RAPGEF6: variants seen among roughly 807,000 people sequenced by gnomAD.
RAPGEF6 encodes Rap guanine nucleotide exchange factor 6.
Under a neutral mutation model 171.4 loss-of-function variants are expected in RAPGEF6, and 56 were observed. The observed-to-expected ratio is 0.33, with a 90% CI of 0.26 to 0.41. The LOEUF is 0.41. Among genes scored for constraint, RAPGEF6 ranks in the 10% least tolerant of loss-of-function variants. The pLI is 1.00. For missense variants in RAPGEF6, 1,674 were observed against 1,921.4 expected, an observed-to-expected ratio of 0.87 and a Z score of 2.41; for synonymous variants, 692 against 650.1, an observed-to-expected ratio of 1.06 and a Z score of -0.98.
chr5:131,572,430 A>G (rs188011219), intron 4 of RAPGEF6, among the ~76,000 whole-genome samples: 1 of 152,208 alleles, frequency 6.6e-6, no homozygotes, highest in Non-Finnish European at 1.5e-5. Flanking sequence ...CAAAAAGGAG[A>G]CACACTTTAT....
chr5:131,525,609 G>T (rs922851606), intron 6 of RAPGEF6, among the ~76,000 whole-genome samples: 1 of 151,936 alleles, frequency 6.6e-6, no homozygotes, highest in Non-Finnish European at 1.5e-5. Flanking sequence ...ATTGATGAGG[G>T]TATGATACAG....
chr5:131,546,595 C>T (rs1019356074), intron 6 of RAPGEF6, among the ~76,000 whole-genome samples: 4 of 150,620 alleles, frequency 2.7e-5, no homozygotes, highest in South Asian at 2.1e-4. Flanking sequence ...GAGAGCGACA[C>T]TCCATCTCAA....
intron 22 of RAPGEF6, among the ~76,000 whole-genome samples, chr5:131,444,366 A>C (rs529935478): frequency 6.6e-6 from 1 of 152,316 alleles, no homozygotes; most frequent in South Asian, 2.1e-4. Context: ...GGTAAATGCT[A>C]ATCAATGACA....
chr5:131,526,199 A>G (rs1181001641), intron 6 of RAPGEF6, among the ~76,000 whole-genome samples: 1 of 152,212 alleles, frequency 6.6e-6, no homozygotes, highest in Non-Finnish European at 1.5e-5. Flanking sequence ...TTCATGAAGA[A>G]AACTTCATAC....
At chr5:131,567,503 G>A (rs1762026231) in intron 4 of RAPGEF6, among the ~76,000 whole-genome samples, 1 of 152,044 alleles carries the variant, frequency 6.6e-6, no homozygotes, top group Non-Finnish European at 1.5e-5. Context: ...TTCTCTTGAA[G>A]TCTTCCTTGG....
intron 16 of RAPGEF6, among the ~76,000 whole-genome samples, chr5:131,477,826 G>A (rs1046859714): frequency 3.3e-5 from 5 of 152,172 alleles, no homozygotes; most frequent in Non-Finnish European, 7.3e-5. Context: ...GCTTCTGGAA[G>A]TGGAACTCAG....
intron 1 of RAPGEF6, among the ~76,000 whole-genome samples, chr5:131,616,778 CT>C (rs879609482): frequency 4.9e-4 from 72 of 145,902 alleles, no homozygotes; most frequent in Non-Finnish European, 5.3e-4. Context: ...CCACCCCCAG[CT>C]TTTTTTTTTT....
intron 6 of RAPGEF6, among the ~76,000 whole-genome samples, chr5:131,538,441 G>A (rs551417736): frequency 2.4e-4 from 37 of 152,156 alleles, no homozygotes; most frequent in Non-Finnish European, 4.0e-4. Flanking sequence ...ACAATGGTAA[G>A]TATTTGTGTA....
intron 6 of RAPGEF6, among the ~76,000 whole-genome samples, chr5:131,547,508 CTTTTT>C (rs537121153): frequency 2.3e-5 from 3 of 132,466 alleles, no homozygotes; most frequent in South Asian, 2.4e-4. Context: ...ACACAGCTTA[CTTTTT>C]TTTTTTTTTT....
At chr5:131,576,233 C>T (rs918927087) in intron 4 of RAPGEF6, among the ~76,000 whole-genome samples, 5 of 152,164 alleles carry the variant, frequency 3.3e-5, no homozygotes, top group African/African-American at 1.2e-4. Context: ...GGTAGTTCTT[C>T]AAGGCCCAAT....
chr5:131,432,393 C>A (rs368743615), intron 25 of RAPGEF6, among the ~76,000 whole-genome samples: 4 of 151,858 alleles, frequency 2.6e-5, no homozygotes, highest in African/African-American at 9.7e-5. Context: ...CCGAGGCGGG[C>A]GGATCACGAG....
rs752730403 is a variant in RAPGEF6, at chr5:131,436,347, G to T, written c.3746-2689C>A. 7 of 1,537,626 alleles carry T rather than the reference G, an allele frequency of 4.6e-6. No individual in the cohort carries two copies. In the South Asian group the frequency reaches 8.3e-5, roughly 18 times the overall value. ...CTATTCCGGGGCAGCTCTGGCCACT[G>T]ATCTTGCTGCTGTGATCAGATATGA... On this transcript the variant is annotated intron_variant, in intron 24 of 27. Transcript: ENST00000509018.
At chr5:131,447,818 A>G (rs1440896943) in intron 21 of RAPGEF6, among the ~76,000 whole-genome samples, 2 of 152,210 alleles carry the variant, frequency 1.3e-5, no homozygotes, top group Non-Finnish European at 2.9e-5. Flanking sequence ...ACATTTTAAG[A>G]TCTTTCCAAT....
chr5:131,432,503 A>G (rs968420440), intron 25 of RAPGEF6, among the ~76,000 whole-genome samples: 1 of 152,156 alleles, frequency 6.6e-6, no homozygotes, highest in Admixed American at 6.5e-5. Context: ...CTGTAGTCCC[A>G]GCTACTCGGG....
intron 1 of RAPGEF6, among the ~76,000 whole-genome samples, chr5:131,608,593 C>A (rs114783619): frequency 6.6e-6 from 1 of 152,156 alleles, no homozygotes. Flanking sequence ...AAAACTCATG[C>A]TAAAATTTGA....
chr5:131,505,659 G>C, intron 9 of RAPGEF6, 137 bp from the exon 10 acceptor site: 1 of 716,920 alleles, frequency 1.4e-6, no homozygotes, highest in Non-Finnish European at 2.2e-6. Flanking sequence ...CAAACACTCT[G>C]TAACACCCTA....
At chr5:131,541,636 T>A (rs1212719066) in intron 6 of RAPGEF6, among the ~76,000 whole-genome samples, 2 of 152,116 alleles carry the variant, frequency 1.3e-5, no homozygotes, top group East Asian at 3.8e-4. Flanking sequence ...GAATTAGGCA[T>A]GAGCCACTGC....
chr5:131,595,273 G>A (rs987170055), intron 3 of RAPGEF6, among the ~76,000 whole-genome samples: 11 of 125,308 alleles, frequency 8.8e-5, no homozygotes, highest in Non-Finnish European at 1.5e-4. Flanking sequence ...TCCCCCCATC[G>A]CATTCTCTCT....
chr5:131,583,599 A>T (rs575937780), intron 4 of RAPGEF6, among the ~76,000 whole-genome samples: 174 of 152,292 alleles, frequency 1.1e-3, no homozygotes, highest in African/African-American at 4.1e-3. Context: ...GCTTCAAGAC[A>T]TCCTGCCTTT....
Sources: allele counts gnomAD v4.1 joint callset (sites outside exome capture counted in the v4.1 genomes callset), GRCh38; gene constraint gnomAD v4.1.1; transcripts MANE v1.5; gene names NCBI Gene and HGNC (gene_info 2026-07-23, HGNC 2026-07-21).